VMA21: variants seen among roughly 807,000 people sequenced by gnomAD.
VMA21 encodes vacuolar ATPase assembly factor VMA21, also known as vacuolar ATPase assembly integral membrane protein VMA21.
For missense variants in VMA21, 61 were observed against 80.6 expected, an observed-to-expected ratio of 0.76 and a Z score of 0.93; for synonymous variants, 47 against 34.1, an observed-to-expected ratio of 1.38 and a Z score of -1.32.
In VMA21 at chrX:151,406,379, A is replaced by G. The variant is rs761720610; in HGVS notation, c.*1321A>G. On this transcript the variant is annotated 3_prime_UTR_variant, in exon 3 of 3. Coordinates refer to ENST00000330374, the MANE Select transcript of VMA21 (RefSeq NM_001017980.4). Reference sequence around the variant, plus strand: ...TTTTCTTTTTCTTTTTCTTTATTTTATTTATTTATTTTTTTGAGACAGAGT... The same window carrying G: ...TTTTCTTTTTCTTTTTCTTTATTTTGTTTATTTATTTTTTTGAGACAGAGT... 2.8e-5 allele frequency: 3 copies of G among 108,206 alleles called. No individual in the cohort carries two copies. Among genetic ancestry groups the G allele is most frequent in the Non-Finnish European group, 5.8e-5 (3 of 52,070 alleles). 8.9% of individuals were successfully genotyped at this position (108,206 alleles called of 1,213,427 possible).
intron 1 of VMA21, among the ~76,000 whole-genome samples, chrX:151,403,149 C>T (rs776767264): frequency 3.6e-5 from 4 of 112,292 alleles, no homozygotes; most frequent in East Asian, 5.6e-4. Context: ...GGTCGCTTCC[C>T]GTGACGGAAG....
chrX:151,402,949 C>T (rs2011249045), intron 1 of VMA21, among the ~76,000 whole-genome samples: 1 of 106,024 alleles, frequency 9.4e-6, no homozygotes, highest in Admixed American at 1.0e-4. Context: ...CACTGCTCCA[C>T]CTGTGGTGCC....
At position 151,406,763 on chromosome X, in the gene VMA21, A is replaced by G. The variant is rs1401376137; in HGVS notation, c.*1705A>G. 8.9e-6 allele frequency: 1 copy of G among 112,084 alleles called. No individual in the cohort carries two copies. Among genetic ancestry groups the G allele is most frequent in the East Asian group, 2.8e-4 (1 of 3,584 alleles). 9.2% of individuals were successfully genotyped at this position (112,084 alleles called of 1,213,427 possible). A position where few individuals can be genotyped will look rare whatever the true frequency, so the allele number is the denominator to read the frequency against. The stretch of plus-strand genomic sequence containing the variant: ...TTCTGTTACTGATAATCCTAATACT[A>G]GGATTCTTGCTTAAGTATGTGAAAC... On this transcript the variant is annotated 3_prime_UTR_variant, in exon 3 of 3. Transcript: ENST00000330374.
chrX:151,403,880 G>A, intron 2 of VMA21, 140 bp downstream of exon 2: 1 of 459,930 alleles, frequency 2.2e-6, no homozygotes, highest in East Asian at 3.8e-5. Context: ...CTCATAATGA[G>A]TCTTTATGAA....
chrX:151,407,343 C>G lies in VMA21; in HGVS notation c.*2285C>G, dbSNP rs1056363407. 1 of 112,845 alleles carries G rather than the reference C, an allele frequency of 8.9e-6. No homozygotes were observed. The highest frequency in any genetic ancestry group is 3.2e-5 in the African/African-American group (1 of 31,004). 9.3% of individuals were successfully genotyped at this position (112,845 alleles called of 1,213,427 possible). On this transcript the variant is annotated 3_prime_UTR_variant, in exon 3 of 3. Coordinates refer to ENST00000330374, the MANE Select transcript of VMA21 (RefSeq NM_001017980.4). ...GGCTTGTTTTCAAAGCAGTTTTTTC[C>G]TAGAGTTTTAACTGTTAACTCACTA...
At chrX:151,396,852 C>G (rs2011192642), upstream of VMA21, 8 of 521,387 alleles carry the variant, frequency 1.5e-5, no homozygotes, top group Non-Finnish European at 2.8e-5. Context: ...GCTCGGGTCT[C>G]CTTGCGGCCC....
intron 1 of VMA21, among the ~76,000 whole-genome samples, chrX:151,402,926 G>T (rs776865566): frequency 9.0e-6 from 1 of 111,453 alleles, no homozygotes; most frequent in East Asian, 2.9e-4. Context: ...TCCGATTCCA[G>T]CGGGAGAGGG....
chrX:151,397,440 A>G (rs1257388779), intron 1 of VMA21, 79 bp downstream of exon 1: 1 of 1,032,830 alleles, frequency 9.7e-7, no homozygotes, highest in Non-Finnish European at 1.3e-6. Flanking sequence ...CCCTAGCTGA[A>G]TGGGTGGGCG....
intron 1 of VMA21, 60 bp downstream of exon 1, chrX:151,397,421 G>A: frequency 8.9e-7 from 1 of 1,126,432 alleles, no homozygotes; most frequent in Non-Finnish European, 1.2e-6. Flanking sequence ...AGCAGGGCTT[G>A]AGGGAAGGCC....
In VMA21 at chrX:151,403,653, A is replaced by G. The variant is rs143565725; in HGVS notation, c.76A>G (p.Thr26Ala). The change falls in exon 2 of 3, where the codon ACA (threonine) becomes GCA (alanine). Residue 26 changes from threonine (T) to alanine (A), a missense_variant. By Grantham distance (58) the Thr-to-Ala change is moderately conservative. Transcript: ENST00000330374. ...EFRNESSLAS[T>A]LKTLLFFTAL... is the part of the protein sequence containing the mutation. ...CAGAAATGAAAGCTCATTAGCATCT[A>G]CACTGAAGACGCTCCTGTTCTTCAC... The G allele has an allele frequency of 2.7e-4, 326 of 1,206,111 alleles. No homozygotes were observed. Among genetic ancestry groups the G allele is most frequent in the Non-Finnish European group, 3.4e-4 (306 of 891,568 alleles).
intron 1 of VMA21, 56 bp from the exon 2 acceptor site, chrX:151,403,575 A>T: frequency 1.2e-6 from 1 of 863,645 alleles, no homozygotes; most frequent in South Asian, 2.0e-5. Flanking sequence ...GGGACATAAG[A>T]GCGTTTGGAT....
Position 151,404,917 on chromosome X carries a change from C to T in VMA21, c.165C>T (p.Gly55=), listed in dbSNP as rs146017753. 2,138 of 1,203,457 alleles carry T rather than the reference C, an allele frequency of 1.8e-3. 1 individual carries two copies. Among genetic ancestry groups the T allele is most frequent in the Non-Finnish European group, 2.3e-3 (2,052 of 893,415 alleles). The change falls in exon 3 of 3, where the codon GGC becomes GGT. Residue 55 remains glycine, a splice_region_variant and synonymous_variant. Coordinates refer to ENST00000330374, the MANE Select transcript of VMA21 (RefSeq NM_001017980.4). The part of the protein sequence containing the change: ...YFTTKSYIFE[G]ALGMSNRDSY... ...AAACTGTTTTTTTTCTCTTGATAGG[C>T]GCCCTTGGGATGTCCAATAGGGACA...
At chrX:151,396,955 G>A (rs567587843), upstream of VMA21, 177 of 521,987 alleles carry the variant, frequency 3.4e-4, 2 homozygotes, top group South Asian at 4.1e-3. Context: ...ACCATGTTGC[G>A]CGGCAAGTCC....
chrX:151,401,653 T>C (rs951137766), intron 1 of VMA21, among the ~76,000 whole-genome samples: 11 of 112,414 alleles, frequency 9.8e-5, no homozygotes, highest in African/African-American at 3.5e-4. Context: ...ACACAGGATA[T>C]CTTTACATTT....
intron 1 of VMA21, among the ~76,000 whole-genome samples, chrX:151,399,362 A>C: frequency 8.9e-6 from 1 of 112,144 alleles, no homozygotes. Flanking sequence ...TCATCTTTTC[A>C]ATAATAAACT....
In VMA21 at chrX:151,403,663, C is replaced by A; in HGVS notation, c.86C>A (p.Thr29Lys). Residue 29 changes from threonine to lysine, a missense_variant, in exon 2 of 3, where the codon ACG becomes AAG. By Grantham distance (78) the Thr-to-Lys change is moderately conservative. Transcript: ENST00000330374. The part of the protein sequence containing the change: ...NESSLASTLK[T>K]LLFFTALMIT... ...AGCTCATTAGCATCTACACTGAAGA[C>A]GCTCCTGTTCTTCACAGCTTTAATG... 2 of 1,208,346 alleles carry A rather than the reference C, an allele frequency of 1.7e-6. No homozygotes were observed. Among genetic ancestry groups the A allele is most frequent in the Non-Finnish European group, 2.2e-6 (2 of 892,451 alleles).
In VMA21 at chrX:151,405,297, T is replaced by G; in HGVS notation, c.*239T>G. 1 of 351,006 alleles carries G rather than the reference T, an allele frequency of 2.8e-6. No individual in the cohort carries two copies. The highest frequency in any genetic ancestry group is 4.9e-6 in the Non-Finnish European group (1 of 202,278). 28.9% of individuals were successfully genotyped at this position (351,006 alleles called of 1,213,427 possible). ...TTAGTTACAAAGAAATATGTTAATT[T>G]AATTAGACAATACTCTGGAAGGAAT... On this transcript the variant is annotated 3_prime_UTR_variant, in exon 3 of 3. Coordinates refer to ENST00000330374, the MANE Select transcript of VMA21 (RefSeq NM_001017980.4).
At chrX:151,401,923 T>A (rs1323113770) in intron 1 of VMA21, among the ~76,000 whole-genome samples, 1 of 109,764 alleles carries the variant, frequency 9.1e-6, no homozygotes, top group Admixed American at 9.7e-5. Flanking sequence ...ATTATCAAAA[T>A]TTTTTTTTGT....
At position 151,406,229 on chromosome X, in the gene VMA21, C is replaced by A. The variant is rs763523869; in HGVS notation, c.*1171C>A. 8 of 111,924 alleles carry A rather than the reference C, an allele frequency of 7.1e-5. No individual in the cohort carries two copies. Among genetic ancestry groups the A allele is most frequent in the Non-Finnish European group, 1.3e-4 (7 of 53,203 alleles). 9.2% of individuals were successfully genotyped at this position (111,924 alleles called of 1,213,427 possible). A position where few individuals can be genotyped will look rare whatever the true frequency, so the allele number is the denominator to read the frequency against. On this transcript the variant is annotated 3_prime_UTR_variant, in exon 3 of 3. Transcript: ENST00000330374. Reference sequence around the variant, plus strand: ...TCTATTTTAGTTGATATCCCGTATTCATTTTTGAAAGCCATTCCTTAATGC... The same window carrying A: ...TCTATTTTAGTTGATATCCCGTATTAATTTTTGAAAGCCATTCCTTAATGC...
Sources: allele counts gnomAD v4.1 joint callset (sites outside exome capture counted in the v4.1 genomes callset), GRCh38; gene constraint gnomAD v4.1.1; transcripts MANE v1.5; gene names NCBI Gene and HGNC (gene_info 2026-07-23, HGNC 2026-07-21).